Variants in DLG1 observed in about 807,000 individuals in gnomAD.
DLG1 encodes the protein discs large MAGUK scaffold protein 1.
A neutral mutation model predicts 123.4 loss-of-function variants in DLG1; 42 were observed. The observed-to-expected ratio is 0.34, with a 90% CI of 0.27 to 0.44. DLG1 has a LOEUF of 0.44. Among genes scored for constraint, DLG1 ranks in the 20% least tolerant of loss-of-function variants. The pLI, the probability that DLG1 is intolerant of heterozygous loss-of-function variation, is 1.00. For synonymous variants in DLG1, 317 were observed against 356.2 expected (o/e 0.89, Z 1.24); for missense variants, 942 against 1,082.6 (o/e 0.87, Z 1.82).
chr3:197,049,540 A>C (rs988500031), intron 24 of DLG1, among the ~76,000 whole-genome samples: 2 of 152,100 alleles, frequency 1.3e-5, no homozygotes, highest in South Asian at 4.1e-4. Context: ...GGATCACCTG[A>C]GGTCAAGAGT....
Position 197,085,731 on chromosome 3 carries a change from T to C in DLG1, c.1687A>G (p.Lys563Glu). ...VRALFDYDKT[K>E]DSGLPSQGLN... ...CCCTGACTGGGAAGCCCACTGTCTT[T>C]AGTCTTGTCATAATCAAAAAGGGCT... is the stretch of plus-strand genomic sequence containing the variant. Residue 563 changes from lysine (K) to glutamate (E), a missense_variant, in exon 16 of 25, where the codon AAA becomes GAA. Transcript: ENST00000667157. 1.9e-6 allele frequency: 3 copies of C among 1,613,844 alleles called. No individual in the cohort carries two copies. Among genetic ancestry groups the C allele is most frequent in the Non-Finnish European group, 2.5e-6 (3 of 1,179,944 alleles).
chr3:197,140,014 T>C lies in DLG1; in HGVS notation c.713+126A>G, dbSNP rs928015931. ...TCTCATTCATTGACTTGAATGTTGT[T>C]AAAGCATCTACCCTATGCTAGTTAT... On this transcript the variant is annotated intron_variant, in intron 8 of 24. Coordinates refer to ENST00000667157, the MANE Select transcript of DLG1 (RefSeq NM_001366207.1). The C allele has an allele frequency of 4.9e-6, 5 of 1,014,798 alleles. No homozygotes were observed. The African/African-American group carries it at 8.2e-5, about 17-fold the overall frequency. 62.9% of individuals were successfully genotyped at this position (1,014,798 alleles called of 1,614,324 possible). A position where few individuals can be genotyped will look rare whatever the true frequency, so the allele number is the denominator to read the frequency against.
rs144814151 is a variant in DLG1, at chr3:197,186,399, A to G, written c.483+8026T>C. Among the ~76,000 whole-genome samples, 36 of 152,320 alleles carry G rather than the reference A, an allele frequency of 2.4e-4. No individual in the cohort carries two copies. In the East Asian group the frequency reaches 6.6e-3, roughly 28 times the overall value. ...GAAAAGATGGTATGCAATCTAAACC[A>G]CCAAAAGGAATCACTATTAACATCT... On this transcript the variant is annotated intron_variant, in intron 5 of 24. Transcript: ENST00000667157.
chr3:197,236,765 A>C (rs1746198087), intron 4 of DLG1, among the ~76,000 whole-genome samples: 1 of 152,232 alleles, frequency 6.6e-6, no homozygotes, highest in African/African-American at 2.4e-5. Context: ...AGATGGGGGA[A>C]GAAATCTTAC....
At chr3:197,183,412 C>G (rs534970598) in intron 5 of DLG1, among the ~76,000 whole-genome samples, 1 of 151,858 alleles carries the variant, frequency 6.6e-6, no homozygotes, top group East Asian at 1.9e-4. Flanking sequence ...TCTTGTTCCC[C>G]CTTTTGTGCT....
intron 13 of DLG1, among the ~76,000 whole-genome samples, chr3:197,108,773 T>C (rs1322594060): frequency 6.6e-6 from 1 of 152,194 alleles, no homozygotes; most frequent in Non-Finnish European, 1.5e-5. Flanking sequence ...AGTGTCTCTC[T>C]TGTAGACCCT....
At chr3:197,287,482 A>G (rs1269536434) in intron 3 of DLG1, among the ~76,000 whole-genome samples, 1 of 152,146 alleles carries the variant, frequency 6.6e-6, no homozygotes, top group Non-Finnish European at 1.5e-5. Flanking sequence ...GTATATTGAT[A>G]AAGAAAAATA....
At position 197,194,327 on chromosome 3, in the gene DLG1, C is replaced by A. The variant is rs543727480; in HGVS notation, c.483+98G>T. ...ACTAAAATGGGGGGGTGGGGTAGGG[C>A]GAACCTACATGAAAGAATACTTCTC... On this transcript the variant is annotated intron_variant, in intron 5 of 24. Transcript: ENST00000667157. 13 of 772,052 alleles carry A rather than the reference C, an allele frequency of 1.7e-5. No individual in the cohort carries two copies. In the East Asian group the frequency reaches 3.9e-4, roughly 23 times the overall value. 47.8% of individuals were successfully genotyped at this position (772,052 alleles called of 1,614,324 possible). A position where few individuals can be genotyped will look rare whatever the true frequency, so the allele number is the denominator to read the frequency against.
At chr3:197,216,772 C>G (rs1223298702) in intron 4 of DLG1, among the ~76,000 whole-genome samples, 2 of 152,188 alleles carry the variant, frequency 1.3e-5, no homozygotes, top group African/African-American at 4.8e-5. Flanking sequence ...AGACACTAGT[C>G]AACAGCCAAC....
chr3:197,161,207 AATAAC>A (rs1383161555), intron 5 of DLG1, among the ~76,000 whole-genome samples: 1 of 152,232 alleles, frequency 6.6e-6, no homozygotes, highest in Admixed American at 6.5e-5. Context: ...TATCTAATCA[AATAAC>A]ATAAGAATGA....
chr3:197,061,509 C>T (rs1363482066), intron 22 of DLG1, among the ~76,000 whole-genome samples: 1 of 152,138 alleles, frequency 6.6e-6, no homozygotes, highest in East Asian at 1.9e-4. Flanking sequence ...GGTCAAGGAT[C>T]GAATTCAGGA....
intron 5 of DLG1, among the ~76,000 whole-genome samples, chr3:197,161,068 T>TA (rs1402582851): frequency 1.3e-5 from 2 of 152,200 alleles, no homozygotes; most frequent in Non-Finnish European, 2.9e-5. Flanking sequence ...TTTAAACTGT[T>TA]ACACATAATT....
At chr3:197,198,975 A>C (rs890314207) in intron 4 of DLG1, among the ~76,000 whole-genome samples, 2 of 152,208 alleles carry the variant, frequency 1.3e-5, no homozygotes, top group Non-Finnish European at 2.9e-5. Context: ...AAACCTTCTG[A>C]AATTAGTTAG....
intron 13 of DLG1, among the ~76,000 whole-genome samples, chr3:197,114,437 A>G (rs1292213688): frequency 6.6e-6 from 1 of 152,224 alleles, no homozygotes; most frequent in Non-Finnish European, 1.5e-5. Context: ...ATAAAACAGT[A>G]TCTTCAAAAT....
intron 14 of DLG1, among the ~76,000 whole-genome samples, chr3:197,096,214 TCAGTTCTAATC>T (rs1187185995): frequency 2.6e-5 from 4 of 152,242 alleles, no homozygotes; most frequent in Admixed American, 2.6e-4. Context: ...ACCAACTTCT[TCAGTTCTAATC>T]CAGTATTACA....
intron 11 of DLG1, among the ~76,000 whole-genome samples, chr3:197,120,266 C>T (rs949389195): frequency 2.1e-5 from 2 of 96,706 alleles, no homozygotes; most frequent in Admixed American, 1.1e-4. Context: ...TGCCCTGTCT[C>T]GAGAAAGAAA....
At chr3:197,227,656 C>T (rs1026989361) in intron 4 of DLG1, among the ~76,000 whole-genome samples, 1 of 152,078 alleles carries the variant, frequency 6.6e-6, no homozygotes, top group Non-Finnish European at 1.5e-5. Flanking sequence ...ACAAAAATTC[C>T]CTTACCACCA....
chr3:197,197,614 A>C (rs1723195538), intron 4 of DLG1, among the ~76,000 whole-genome samples: 2 of 152,250 alleles, frequency 1.3e-5, no homozygotes, highest in African/African-American at 4.8e-5. Flanking sequence ...AAATTCCATC[A>C]GGCACTTTTC....
intron 24 of DLG1, 147 bp downstream of exon 24, chr3:197,051,430 G>T (rs576935835): frequency 6.5e-5 from 36 of 553,636 alleles, no homozygotes; most frequent in Non-Finnish European, 1.1e-4. Flanking sequence ...CAAAAAAAAG[G>T]TTCCCCAGCA....
Sources: allele counts gnomAD v4.1 joint callset (sites outside exome capture counted in the v4.1 genomes callset), GRCh38; gene constraint gnomAD v4.1.1; transcripts MANE v1.5; gene names NCBI Gene and HGNC (gene_info 2026-07-23, HGNC 2026-07-21).